KHDRBS2: variants seen among roughly 807,000 people sequenced by gnomAD.
KHDRBS2 encodes the protein KH RNA binding domain containing, signal transduction associated 2.
In KHDRBS2, 26 loss-of-function variants were observed where a neutral mutation model predicts 44.3. The observed-to-expected ratio is 0.59, with a 90% confidence interval of 0.43 to 0.81. KHDRBS2 has a LOEUF of 0.81. Ranked by LOEUF, KHDRBS2 falls within the 40% of genes least tolerant of loss-of-function variation. KHDRBS2 has a pLI of 0.00. For synonymous variants in KHDRBS2, 194 were observed against 151.1 expected (o/e 1.28, Z -2.08); for missense variants, 476 against 433.1 (o/e 1.10, Z -0.88).
At chr6:62,058,035 T>C (rs1790693150) in intron 2 of KHDRBS2, among the ~76,000 whole-genome samples, 1 of 151,976 alleles carries the variant, frequency 6.6e-6, no homozygotes, top group Non-Finnish European at 1.5e-5. Flanking sequence ...AAATTCTTCA[T>C]TATTAACATT....
intron 3 of KHDRBS2, among the ~76,000 whole-genome samples, chr6:62,025,893 G>C (rs1344394513): frequency 6.6e-6 from 1 of 151,794 alleles, no homozygotes; most frequent in Non-Finnish European, 1.5e-5. Flanking sequence ...ACATCTAAAG[G>C]CTCGATTAAA....
At chr6:62,184,242 T>C (rs1344142882) in intron 1 of KHDRBS2, among the ~76,000 whole-genome samples, 2 of 151,632 alleles carry the variant, frequency 1.3e-5, no homozygotes, top group South Asian at 2.1e-4. Context: ...TAGACTACAA[T>C]TGTCATGAAA....
At chr6:61,858,801 G>A (rs573020494) in intron 6 of KHDRBS2, among the ~76,000 whole-genome samples, 2 of 151,984 alleles carry the variant, frequency 1.3e-5, no homozygotes, top group African/African-American at 4.8e-5. Context: ...ACTTTACAAT[G>A]TAATATATAA....
chr6:62,088,406 T>C (rs1006542254), intron 2 of KHDRBS2, among the ~76,000 whole-genome samples: 5 of 152,216 alleles, frequency 3.3e-5, no homozygotes, highest in African/African-American at 4.8e-5. Flanking sequence ...TTTTCGTTGA[T>C]GGTGATGCTA....
chr6:61,605,497 C>A, the KHDRBS2 span, among the ~76,000 whole-genome samples: 2 of 152,144 alleles, frequency 1.3e-5, no homozygotes, highest in African/African-American at 2.4e-5. Flanking sequence ...TGGGTCCTCC[C>A]AATTCTTAGT....
intron 6 of KHDRBS2, among the ~76,000 whole-genome samples, chr6:61,746,095 G>A (rs574862432): frequency 3.9e-5 from 6 of 151,934 alleles, no homozygotes; most frequent in South Asian, 2.1e-4. Context: ...TTTAAGTTCC[G>A]GGATACATGT....
intron 3 of KHDRBS2, among the ~76,000 whole-genome samples, chr6:62,024,341 G>T (rs1271518891): frequency 2.0e-5 from 3 of 151,300 alleles, no homozygotes; most frequent in Non-Finnish European, 4.4e-5. Context: ...ACATTCACCT[G>T]GAAAACATGC....
At chr6:61,614,724 G>C in the KHDRBS2 span, among the ~76,000 whole-genome samples, 1 of 152,090 alleles carries the variant, frequency 6.6e-6, no homozygotes, top group East Asian at 1.9e-4. Context: ...GGAAGTTTTT[G>C]CTGTATTTTA....
chr6:61,674,122 G>T, the KHDRBS2 span, among the ~76,000 whole-genome samples: 9 of 151,726 alleles, frequency 5.9e-5, no homozygotes, highest in African/African-American at 1.2e-4. Context: ...GAATTCATTT[G>T]TTCCACCAAT....
chr6:62,093,222 A>G (rs927711892), intron 2 of KHDRBS2, among the ~76,000 whole-genome samples: 6 of 150,982 alleles, frequency 4.0e-5, no homozygotes, highest in Admixed American at 4.0e-4. Flanking sequence ...CCTTAGATAA[A>G]GTAAAAAAAA....
At chr6:61,954,792 GCA>G (rs1562512992) in intron 4 of KHDRBS2, among the ~76,000 whole-genome samples, 3,085 of 59,060 alleles carry the variant, frequency 0.052, 1,076 homozygotes, top group Middle Eastern at 0.1. Context: ...ATATACACAT[GCA>G]TATGTATGTA....
rs115524089 is a variant in KHDRBS2, at chr6:62,054,826, T to A, written c.220-6832A>T. 3.4e-3 allele frequency among the ~76,000 whole-genome samples: 521 copies of A among 152,130 alleles called. 3 individuals carry two copies. Among genetic ancestry groups the A allele is most frequent in the African/African-American group, 0.012 (488 of 41,556 alleles). ...ACTTCTGAACTCCACAACTGTAAAA[T>A]AATGAATTTGATTTGTTTTAAGCCA... On this transcript the variant is annotated intron_variant, in intron 2 of 8. Transcript: ENST00000281156.
the KHDRBS2 span, among the ~76,000 whole-genome samples, chr6:61,617,252 A>G: frequency 6.6e-6 from 1 of 152,202 alleles, no homozygotes; most frequent in East Asian, 1.9e-4. Context: ...AGGTCTCTAC[A>G]CCTAGAATTT....
chr6:61,607,544 A>AAAAAAAAAAAAAG, the KHDRBS2 span, among the ~76,000 whole-genome samples: 1 of 148,668 alleles, frequency 6.7e-6, no homozygotes, highest in Non-Finnish European at 1.5e-5. Context: ...AAAAAAAAAA[A>AAAAAAAAAAAAAG]AGATGTGTGA....
intron 1 of KHDRBS2, among the ~76,000 whole-genome samples, chr6:62,264,009 T>C (rs1210818227): frequency 6.6e-6 from 1 of 151,768 alleles, no homozygotes; most frequent in Non-Finnish European, 1.5e-5. Flanking sequence ...AGGTACACGG[T>C]TTTGCACAAA....
At chr6:61,767,361 T>C (rs979526667) in intron 6 of KHDRBS2, among the ~76,000 whole-genome samples, 2 of 152,102 alleles carry the variant, frequency 1.3e-5, no homozygotes, top group Non-Finnish European at 2.9e-5. Flanking sequence ...ATAGTTAAAG[T>C]GTGTTTCATG....
chr6:61,617,161 A>G, the KHDRBS2 span, among the ~76,000 whole-genome samples: 1 of 152,200 alleles, frequency 6.6e-6, no homozygotes, highest in Admixed American at 6.5e-5. Context: ...CTACTTTGAT[A>G]TATGTAATTG....
the KHDRBS2 span, among the ~76,000 whole-genome samples, chr6:61,556,830 ATAG>A: frequency 6.6e-6 from 1 of 150,984 alleles, no homozygotes; most frequent in African/African-American, 2.4e-5. Context: ...AAAATTAATA[ATAG>A]TTACTGATTT....
At chr6:61,845,686 A>C (rs1794302403) in intron 6 of KHDRBS2, among the ~76,000 whole-genome samples, 1 of 152,190 alleles carries the variant, frequency 6.6e-6, no homozygotes, top group Non-Finnish European at 1.5e-5. Context: ...TTCTCACTAA[A>C]CTACTACTGG....
Sources: allele counts gnomAD v4.1 joint callset (sites outside exome capture counted in the v4.1 genomes callset), GRCh38; gene constraint gnomAD v4.1.1; transcripts MANE v1.5; gene names NCBI Gene and HGNC (gene_info 2026-07-23, HGNC 2026-07-21).